The following AVL9 variants were observed in gnomAD, a reference collection of about 807,000 sequenced individuals.
AVL9 encodes the protein AVL9 cell migration associated, also known as late secretory pathway protein AVL9 homolog.
A neutral mutation model predicts 79.2 loss-of-function variants in AVL9; 49 were observed. The observed-to-expected ratio is 0.62, with a 90% CI of 0.49 to 0.79. The LOEUF (loss-of-function observed/expected upper bound fraction) is 0.79. AVL9 is among the 30% of genes least tolerant of loss of function. The pLI is 0.00. For missense variants in AVL9, 682 were observed against 776.8 expected (o/e 0.88, Z 1.45); for synonymous variants, 299 against 280.6 (o/e 1.07, Z -0.65).
At chr7:32,528,867 G>A (rs867536782) in intron 1 of AVL9, among the ~76,000 whole-genome samples, 4 of 151,898 alleles carry the variant, frequency 2.6e-5, no homozygotes, top group African/African-American at 7.2e-5. Flanking sequence ...AAAATTAGCC[G>A]GGCATGGTGG....
Position 32,583,891 on chromosome 7 carries a change from C to T in AVL9, c.1931C>T (p.Pro644Leu), listed in dbSNP as rs774987056. Reference protein sequence around the residue: ...TSTSQSLTEPPDEKP With the variant: ...TSTSQSLTEPLDEKP ...ACCTCCCAAAGTCTCACTGAGCCAC[C>T]AGATGAGAAGCCTTGAGCAAGGCGT... The change falls in exon 16 of 16, where the codon CCA becomes CTA. Residue 644 changes from proline to leucine, a missense_variant. Coordinates refer to ENST00000318709, the MANE Select transcript of AVL9 (RefSeq NM_015060.3). 1 of 1,613,576 alleles carries T rather than the reference C, an allele frequency of 6.2e-7. No individual in the cohort carries two copies. Among genetic ancestry groups the T allele is most frequent in the South Asian group, 1.1e-5 (1 of 91,064 alleles).
At chr7:32,520,530 T>A (rs901836439) in intron 1 of AVL9, among the ~76,000 whole-genome samples, 2 of 152,186 alleles carry the variant, frequency 1.3e-5, no homozygotes, top group South Asian at 4.1e-4. Flanking sequence ...TAAGGTCTAT[T>A]TGCCCTGAAA....
rs1790762364 is a variant in AVL9 at position 32,570,118 on chromosome 7, T to G, written c.1314T>G (p.Phe438Leu). The change falls in exon 11 of 16, where the codon TTT (phenylalanine) becomes TTG (leucine). Residue 438 changes from phenylalanine (F) to leucine (L), a missense_variant. Coordinates refer to ENST00000318709, the MANE Select transcript of AVL9 (RefSeq NM_015060.3). ...GFVAGATNILFRQQKHLSDAI... is the reference protein window; with the variant it reads ...GFVAGATNILLRQQKHLSDAI... ...TTGCTGGAGCTACTAACATCCTTTT[T>G]CGACAACAGAAACACCTCAGTGATG... 6.2e-7 allele frequency: 1 copy of G among 1,614,088 alleles called. No homozygotes were observed. Among genetic ancestry groups the G allele is most frequent in the African/African-American group, 1.3e-5 (1 of 74,938 alleles).
intron 1 of AVL9, among the ~76,000 whole-genome samples, chr7:32,513,379 A>G (rs567124793): frequency 6.6e-6 from 1 of 152,316 alleles, no homozygotes; most frequent in Admixed American, 6.5e-5. Flanking sequence ...AGAAACATTT[A>G]CAGTCTATTC....
intron 3 of AVL9, among the ~76,000 whole-genome samples, chr7:32,547,529 C>G: frequency 6.6e-6 from 1 of 152,082 alleles, no homozygotes; most frequent in Non-Finnish European, 1.5e-5. Context: ...GGGTCTTATC[C>G]CTCAGTGCTG....
chr7:32,577,778 G>A (rs1791168113), intron 13 of AVL9, among the ~76,000 whole-genome samples: 1 of 152,218 alleles, frequency 6.6e-6, no homozygotes. Flanking sequence ...ATGTGAAGAA[G>A]TTGAGCCTAT....
chr7:32,543,307 A>C, intron 2 of AVL9, 46 bp downstream of exon 2: 3 of 1,599,426 alleles, frequency 1.9e-6, no homozygotes, highest in Non-Finnish European at 2.6e-6. Flanking sequence ...TTTTGAAAAA[A>C]TTTGCCAAGA....
Position 32,585,328 on chromosome 7 carries a change from C to T in AVL9, c.*1421C>T, listed in dbSNP as rs1400084693. On this transcript the variant is annotated 3_prime_UTR_variant, in exon 16 of 16. Transcript: ENST00000318709. ...AGAAAACTGCAGCCTTGACATCTGT[C>T]ATCTGAGAAAGGATATCTGGTTTCA... 1 of 152,184 alleles carries T rather than the reference C, an allele frequency of 6.6e-6. No individual in the cohort carries two copies. The highest frequency in any genetic ancestry group is 1.5e-5 in the Non-Finnish European group (1 of 68,032). The allele number at this position is 152,184 out of a possible 1,614,324, so 9.4% of individuals were successfully genotyped here. A position where few individuals can be genotyped will look rare whatever the true frequency, so the allele number is the denominator to read the frequency against.
intron 10 of AVL9, among the ~76,000 whole-genome samples, chr7:32,565,196 C>A (rs886763567): frequency 1.3e-5 from 2 of 152,214 alleles, no homozygotes; most frequent in African/African-American, 4.8e-5. Flanking sequence ...TCCCTCTTTT[C>A]TAGTTACGAG....
At chr7:32,565,078 G>A (rs1177073303) in intron 10 of AVL9, among the ~76,000 whole-genome samples, 1 of 152,170 alleles carries the variant, frequency 6.6e-6, no homozygotes, top group Non-Finnish European at 1.5e-5. Flanking sequence ...AAGTGTTCTG[G>A]AATTGGCTGC....
chr7:32,542,585 C>G (rs1461688812), intron 1 of AVL9, among the ~76,000 whole-genome samples: 1 of 152,094 alleles, frequency 6.6e-6, no homozygotes, highest in Non-Finnish European at 1.5e-5. Context: ...AAGAAACAAT[C>G]ATGAATTTTA....
At chr7:32,522,587 A>C (rs1187367139) in intron 1 of AVL9, among the ~76,000 whole-genome samples, 1 of 152,156 alleles carries the variant, frequency 6.6e-6, no homozygotes, top group Admixed American at 6.5e-5. Flanking sequence ...CATAGGCGGA[A>C]GAGACTTGCC....
intron 1 of AVL9, chr7:32,539,324 A>G (rs1444035732): frequency 5.9e-5 from 9 of 152,344 alleles, no homozygotes; most frequent in South Asian, 2.1e-4. Flanking sequence ...TTACTTTCCT[A>G]TGTTACTATT....
intron 1 of AVL9, among the ~76,000 whole-genome samples, chr7:32,524,494 G>T (rs1341636615): frequency 2.0e-5 from 3 of 151,408 alleles, no homozygotes; most frequent in Non-Finnish European, 2.9e-5. Flanking sequence ...CTCCCTGGGC[G>T]GCTGAGCGAG....
Position 32,573,265 on chromosome 7 carries a change from G to A in AVL9, c.1417G>A (p.Asp473Asn). 6.2e-7 allele frequency: 1 copy of A among 1,613,874 alleles called. No homozygotes were observed. The highest frequency in any genetic ancestry group is 8.5e-7 in the Non-Finnish European group (1 of 1,179,988). The change falls in exon 12 of 16, where the codon GAC becomes AAC. Residue 473 changes from aspartate (D) to asparagine (N), a missense_variant. Transcript: ENST00000318709. ...LRKLLNPTTA[D>N]LRFADYLVRH... Reference sequence around the variant, plus strand: ...GAAGCTGCTTAACCCAACCACTGCAGACCTAAGGTTCGCAGACTACCTAGT... The same window carrying A: ...GAAGCTGCTTAACCCAACCACTGCAAACCTAAGGTTCGCAGACTACCTAGT...
At chr7:32,561,649 C>CAAAACA (rs537357205) in intron 10 of AVL9, among the ~76,000 whole-genome samples, 12,504 of 152,140 alleles carry the variant, frequency 0.082, 621 homozygotes, top group African/African-American at 0.15. Flanking sequence ...AAAAACAAAA[C>CAAAACA]AAAACAAAAA....
intron 1 of AVL9, chr7:32,533,779 C>T (rs1788772120): frequency 6.6e-6 from 1 of 152,120 alleles, no homozygotes; most frequent in African/African-American, 2.4e-5. Flanking sequence ...AAGCACTCTC[C>T]TTCCTTCTGT....
intron 1 of AVL9, among the ~76,000 whole-genome samples, chr7:32,517,466 T>A (rs977637006): frequency 1.3e-5 from 2 of 152,000 alleles, no homozygotes; most frequent in African/African-American, 4.8e-5. Flanking sequence ...CCACTGTGCC[T>A]GGATAATTTT....
chr7:32,554,448 A>G (rs1413062596), intron 7 of AVL9, 110 bp from the exon 8 acceptor site: 4 of 541,058 alleles, frequency 7.4e-6, no homozygotes, highest in South Asian at 4.6e-5. Context: ...TGTACTTTTT[A>G]AAGTGCTGTA....
Sources: gnomAD v4.1 joint callset for allele counts (sites outside exome capture counted in the v4.1 genomes callset) on GRCh38, gnomAD v4.1.1 for gene constraint, MANE v1.5 for transcripts, NCBI Gene and HGNC (gene_info 2026-07-23, HGNC 2026-07-21) for gene names.